The following CPVL variants were observed in gnomAD, a reference collection of about 807,000 sequenced individuals.
The protein encoded by CPVL is carboxypeptidase vitellogenic like.
In CPVL, 51 loss-of-function variants were observed where a neutral mutation model predicts 63.7. The observed-to-expected ratio is 0.80, with a 90% CI of 0.64 to 1.01. CPVL has a LOEUF of 1.01. Among genes scored for constraint, CPVL ranks in the 50% least tolerant of loss-of-function variants. The pLI is 0.00. For missense variants in CPVL, 530 were observed against 573.1 expected, an observed-to-expected ratio of 0.92 and a Z score of 0.77; for synonymous variants, 195 against 206.0, an observed-to-expected ratio of 0.95 and a Z score of 0.46.
At chr7:29,068,097 C>T (rs1783315485) in intron 9 of CPVL, among the ~76,000 whole-genome samples, 2 of 151,518 alleles carry the variant, frequency 1.3e-5, no homozygotes. Context: ...TTCTGCCTCC[C>T]GGATTCAAGC....
upstream of CPVL, among the ~76,000 whole-genome samples, chr7:29,147,672 A>G (rs1465381195): frequency 2.0e-5 from 3 of 152,166 alleles, no homozygotes; most frequent in Admixed American, 6.5e-5. Flanking sequence ...CTACCCACCT[A>G]GCTCTTTAAG....
In CPVL at chr7:29,038,127, G is replaced by A. The variant is rs181801920; in HGVS notation, c.1138-7368C>T. Among the ~76,000 whole-genome samples the A allele has an allele frequency of 2.0e-4, 30 of 152,350 alleles. No individual in the cohort carries two copies. In the East Asian group the frequency reaches 4.4e-3, roughly 23 times the overall value. On this transcript the variant is annotated intron_variant, in intron 11 of 12. Coordinates refer to ENST00000265394, the MANE Select transcript of CPVL (RefSeq NM_031311.5). ...CAGATGTATTTGGTTAGTCCAAATG[G>A]TGTTGTTGTAACTGTTTTTCCATTT...
chr7:29,134,390 A>G (rs1231158148), intron 1 of CPVL, among the ~76,000 whole-genome samples: 1 of 152,236 alleles, frequency 6.6e-6, no homozygotes, highest in Non-Finnish European at 1.5e-5. Flanking sequence ...TTAGTTTCTC[A>G]CACTTAATAT....
Position 29,095,111 on chromosome 7 carries a change from C to A in CPVL, c.435G>T (p.Thr145=), listed in dbSNP as rs771945146. ...GATTGTCAATGTAAAGCATGGAGAGCGTTGTGGTCCAGGGGAAGTCTCTGT... is the reference window on the plus strand; with the variant it reads ...GATTGTCAATGTAAAGCATGGAGAGAGTTGTGGTCCAGGGGAAGTCTCTGT... ...LRDRDFPWTT[T]LSMLYIDNPV... The change falls in exon 5 of 13, where the codon ACG becomes ACT. Residue 145 remains threonine, a synonymous_variant. Coordinates refer to ENST00000265394, the MANE Select transcript of CPVL (RefSeq NM_031311.5). The A allele has an allele frequency of 3.7e-6, 6 of 1,613,822 alleles. No individual in the cohort carries two copies. The African/African-American group carries it at 8.0e-5, about 22-fold the overall frequency.
In CPVL at chr7:29,160,372, A is replaced by G. The variant is rs560367011; in HGVS notation, c.-11+20918T>C. 7.8e-4 allele frequency among the ~76,000 whole-genome samples: 118 copies of G among 152,242 alleles called. 1 individual carries two copies. The highest frequency in any genetic ancestry group is 3.4e-3 in the Middle Eastern group (1 of 294). On this transcript the variant is annotated intron_variant, in intron 5 of 16. Transcript: ENST00000409850. The stretch of plus-strand genomic sequence containing the variant: ...GTTCCTGTATGTGGCTGACAACGTT[A>G]CTGGCTTATCCATGTCATTCCCCTT...
At chr7:29,089,248 G>A (rs1785522757) in intron 6 of CPVL, among the ~76,000 whole-genome samples, 1 of 152,166 alleles carries the variant, frequency 6.6e-6, no homozygotes, top group African/African-American at 2.4e-5. Context: ...TTTTTAAACA[G>A]AGATTGGGTG....
chr7:29,116,811 C>A (rs1788814667), intron 2 of CPVL, among the ~76,000 whole-genome samples: 1 of 152,162 alleles, frequency 6.6e-6, no homozygotes, highest in Non-Finnish European at 1.5e-5. Flanking sequence ...AGTAAACATG[C>A]AATTACAATT....
chr7:29,017,451 C>T (rs891620791), intron 12 of CPVL, among the ~76,000 whole-genome samples: 3 of 152,070 alleles, frequency 2.0e-5, no homozygotes, highest in East Asian at 1.9e-4. Context: ...CTGGCCAACA[C>T]GGTGAAACCC....
intron 5 of CPVL, among the ~76,000 whole-genome samples, chr7:29,177,572 T>A (rs1040839992): frequency 4.6e-5 from 7 of 151,488 alleles, no homozygotes; most frequent in South Asian, 2.1e-4. Context: ...TTTTTTTTTT[T>A]AATTTACTGG....
chr7:29,077,976 C>A (rs1325020091), intron 7 of CPVL, among the ~76,000 whole-genome samples: 1 of 152,120 alleles, frequency 6.6e-6, no homozygotes, highest in South Asian at 2.1e-4. Context: ...AGAAGTGTGG[C>A]CTTAAAATGG....
intron 11 of CPVL, among the ~76,000 whole-genome samples, chr7:29,031,987 TCTC>T (rs1336958086): frequency 2.0e-5 from 3 of 152,112 alleles, no homozygotes; most frequent in Non-Finnish European, 4.4e-5. Flanking sequence ...AGTAATATAC[TCTC>T]CTTTTTTTCT....
At chr7:29,194,950 G>A (rs1189102985) in intron 1 of CPVL, 1 of 1,575,008 alleles carries the variant, frequency 6.3e-7, no homozygotes, top group Non-Finnish European at 8.6e-7. Flanking sequence ...AGATGGCAGC[G>A]TCCAGCAACT....
chr7:29,157,330 C>T (rs754098517), intron 5 of CPVL, among the ~76,000 whole-genome samples: 1 of 152,018 alleles, frequency 6.6e-6, no homozygotes, highest in Non-Finnish European at 1.5e-5. Context: ...CAATCCTTCT[C>T]CACTCAATGC....
At chr7:29,056,467 T>C (rs2128178786) in intron 11 of CPVL, among the ~76,000 whole-genome samples, 1 of 152,360 alleles carries the variant, frequency 6.6e-6, no homozygotes, top group African/African-American at 2.4e-5. Context: ...TTGGCTTCTT[T>C]CACTCAGAAA....
chr7:29,142,683 G>A (rs545235276), intron 1 of CPVL, among the ~76,000 whole-genome samples: 4 of 151,884 alleles, frequency 2.6e-5, no homozygotes, highest in Admixed American at 1.3e-4. Context: ...GCACCACCAC[G>A]CCTGGTTAAT....
intron 3 of CPVL, among the ~76,000 whole-genome samples, chr7:29,099,346 C>T (rs1222979877): frequency 6.6e-6 from 1 of 152,208 alleles, no homozygotes; most frequent in East Asian, 1.9e-4. Flanking sequence ...ATCAGTTTTA[C>T]TAGTTATTCC....
At chr7:29,149,756 T>A (rs1210405647), upstream of CPVL, among the ~76,000 whole-genome samples, 1 of 152,076 alleles carries the variant, frequency 6.6e-6, no homozygotes, top group Admixed American at 6.5e-5. Context: ...GTTCCTTGGC[T>A]TGTGGCAGCA....
chr7:29,060,225 T>C (rs771288975), intron 11 of CPVL, among the ~76,000 whole-genome samples: 6 of 152,206 alleles, frequency 3.9e-5, no homozygotes, highest in Non-Finnish European at 5.9e-5. Flanking sequence ...TGTTTACATA[T>C]ATAATCTCAT....
At chr7:29,043,238 C>CT (rs1789294614) in intron 11 of CPVL, among the ~76,000 whole-genome samples, 1 of 73,292 alleles carries the variant, frequency 1.4e-5, no homozygotes, top group South Asian at 4.8e-4. Flanking sequence ...CTTTTCTTTA[C>CT]CTTTTTTTTT....
Sources: gnomAD v4.1 joint callset for allele counts (sites outside exome capture counted in the v4.1 genomes callset) on GRCh38, gnomAD v4.1.1 for gene constraint, MANE v1.5 for transcripts, NCBI Gene and HGNC (gene_info 2026-07-23, HGNC 2026-07-21) for gene names.